The following FYCO1 variants were observed in gnomAD, a reference collection of about 807,000 sequenced individuals.
The protein encoded by FYCO1 is FYVE and coiled-coil domain-containing protein 1.
FYCO1 carries 122 observed loss-of-function variants against 165.1 expected under a neutral mutation model. The observed-to-expected ratio is 0.74, with a 90% confidence interval of 0.64 to 0.86. FYCO1 has a LOEUF of 0.86. FYCO1 is among the 40% of genes least tolerant of loss of function. The pLI, the probability that FYCO1 is intolerant of heterozygous loss-of-function variation, is 0.00. For missense variants in FYCO1, 1,702 were observed against 1,810.3 expected, an observed-to-expected ratio of 0.94 and a Z score of 1.09; for synonymous variants, 648 against 742.5, an observed-to-expected ratio of 0.87 and a Z score of 2.07.
chr3:45,975,135 G>A (rs1706676639), intron 5 of FYCO1, 104 bp downstream of exon 5: 1 of 838,312 alleles, frequency 1.2e-6, no homozygotes, highest in South Asian at 1.3e-5. Flanking sequence ...AGTGTCACGG[G>A]GGACACAAAT....
rs766910490 is a variant in FYCO1 at position 45,967,878 on chromosome 3, C to T, written c.1456G>A (p.Glu486Lys). ...TTCTCCCGCCTCAACTCTGCTAGCT[C>T]CTCCTCCCAGGAGCTCGTGTGGGCC... ...LLAHTSSWEE[E>K]LAELRREKKQ... is the part of the protein sequence containing the mutation. The change falls in exon 8 of 18, where the codon GAG (glutamate) becomes AAG (lysine). Residue 486 changes from glutamate to lysine, a missense_variant. By Grantham distance (56) the Glu-to-Lys change is moderately conservative (BLOSUM62 1). Coordinates refer to ENST00000296137, the MANE Select transcript of FYCO1 (RefSeq NM_024513.4). 5 of 1,614,008 alleles carry T rather than the reference C, an allele frequency of 3.1e-6. No homozygotes were observed. Among genetic ancestry groups the T allele is most frequent in the Non-Finnish European group, 4.2e-6 (5 of 1,180,022 alleles).
At position 45,966,289 on chromosome 3, in the gene FYCO1, C is replaced by T; in HGVS notation, c.3045G>A (p.Gln1015=). ...FQLSAEIMDY[Q]SRLKNAGEEC... The stretch of plus-strand genomic sequence containing the variant: ...AAGCTAGGATTACCTTAAGTCTGCT[C>T]TGGTAGTCCATGATTTCAGCACTCA... Residue 1015 remains glutamine, a synonymous_variant, in exon 8 of 18, where the codon CAG becomes CAA. Coordinates refer to ENST00000296137, the MANE Select transcript of FYCO1 (RefSeq NM_024513.4). The T allele has an allele frequency of 6.2e-7, 1 of 1,614,080 alleles. No individual in the cohort carries two copies. Among genetic ancestry groups the T allele is most frequent in the South Asian group, 1.1e-5 (1 of 91,064 alleles).
chr3:45,962,432 T>C lies in FYCO1; in HGVS notation c.3270-40A>G, dbSNP rs1253834514. On this transcript the variant is annotated intron_variant, in intron 10 of 17. Coordinates refer to ENST00000296137, the MANE Select transcript of FYCO1 (RefSeq NM_024513.4). This position sits in a 1 kb window ranked among gnomAD's most constrained non-coding sequence, Gnocchi z 4.4. ...GTAAGTTTTCTTGATTAGCCAGGAC[T>C]TCCAGCTTTCCCAGGGCTCTAAGCT... 4 of 1,590,324 alleles carry C rather than the reference T, an allele frequency of 2.5e-6. No homozygotes were observed. The highest frequency in any genetic ancestry group is 3.5e-6 in the Non-Finnish European group (4 of 1,158,704).
At position 45,975,227 on chromosome 3, in the gene FYCO1, T is replaced by C. The variant is rs1290589775; in HGVS notation, c.395+12A>G. ...GGGATGATCCCAAACCCCAGCCCTGTCCTGTATTTACCTGGTCACTTTGGT... is the reference window on the plus strand; with the variant it reads ...GGGATGATCCCAAACCCCAGCCCTGCCCTGTATTTACCTGGTCACTTTGGT... On this transcript the variant is annotated intron_variant, in intron 5 of 17. Transcript: ENST00000296137. 1 of 1,571,206 alleles carries C rather than the reference T, an allele frequency of 6.4e-7. No individual in the cohort carries two copies. Among genetic ancestry groups the C allele is most frequent in the East Asian group, 2.2e-5 (1 of 44,694 alleles).
At chr3:45,974,099 C>T (rs965827804) in intron 5 of FYCO1, among the ~76,000 whole-genome samples, 9 of 152,098 alleles carry the variant, frequency 5.9e-5, no homozygotes, top group African/African-American at 1.7e-4. Context: ...AAAAAGATGC[C>T]TGGGCATAGT....
intron 14 of FYCO1, among the ~76,000 whole-genome samples, chr3:45,942,151 C>G (rs1704267221): frequency 6.6e-6 from 1 of 152,218 alleles, no homozygotes; most frequent in African/African-American, 2.4e-5. Context: ...GTCTTCAGAT[C>G]TTTTATCAGG....
chr3:45,925,632 C>T (rs1321190341), intron 16 of FYCO1, among the ~76,000 whole-genome samples: 1 of 152,126 alleles, frequency 6.6e-6, no homozygotes, highest in African/African-American at 2.4e-5. Context: ...TACACAGTTC[C>T]CAAAGTGAAG....
chr3:45,948,876 C>T (rs976966568), intron 14 of FYCO1, among the ~76,000 whole-genome samples: 2 of 152,176 alleles, frequency 1.3e-5, no homozygotes, highest in African/African-American at 4.8e-5. Context: ...TTTGGTGAAA[C>T]ATGGATCATA....
At position 45,964,305 on chromosome 3, in the gene FYCO1, C is replaced by T; in HGVS notation, c.3269+31G>A. 1 of 1,515,296 alleles carries T rather than the reference C, an allele frequency of 6.6e-7. No individual in the cohort carries two copies. Among genetic ancestry groups the T allele is most frequent in the Non-Finnish European group, 9.2e-7 (1 of 1,089,782 alleles). The allele number at this position is 1,515,296 out of a possible 1,614,324, so 93.9% of individuals were successfully genotyped here. A position where few individuals can be genotyped will look rare whatever the true frequency, so the allele number is the denominator to read the frequency against. On this transcript the variant is annotated intron_variant, in intron 10 of 17. Coordinates refer to ENST00000296137, the MANE Select transcript of FYCO1 (RefSeq NM_024513.4). This position sits in a 1 kb window ranked among gnomAD's most constrained non-coding sequence, Gnocchi z 4.1. The stretch of plus-strand genomic sequence containing the variant: ...CCAAACACTCCTTCCCTGAAGACTA[C>T]CGACAGCTACGTAGGTGGACTGTGA...
chr3:45,966,787 C>A lies in FYCO1; in HGVS notation c.2547G>T (p.Ser849=). The A allele has an allele frequency of 6.2e-7, 1 of 1,609,878 alleles. No homozygotes were observed. Among genetic ancestry groups the A allele is most frequent in the Non-Finnish European group, 8.5e-7 (1 of 1,180,010 alleles). ...RAHVQELLQC[S]EREGALQEER... ...CCTCCTGCAGTGCCCCTTCACGCTC[C>A]GAGCATTGCAGCAGCTCCTGGACAT... The change falls in exon 8 of 18, where the codon TCG becomes TCT. Residue 849 remains serine, a synonymous_variant. Transcript: ENST00000296137.
Position 45,959,448 on chromosome 3 carries a change from G to A in FYCO1, c.3532C>T (p.His1178Tyr), listed in dbSNP as rs1245342156. Residue 1178 changes from histidine (H) to tyrosine (Y), a missense_variant, in exon 12 of 18, where the codon CAC (histidine) becomes TAC (tyrosine). Transcript: ENST00000296137. Reference protein sequence around the residue: ...ERWLGDTEANHCLDCKREFSW... With the variant: ...ERWLGDTEANYCLDCKREFSW... Reference sequence around the variant, plus strand: ...AACTCCCGCTTACAGTCGAGGCAGTGGTTTGCCTCTGTGTCTCCGAGCCAT... The same window carrying A: ...AACTCCCGCTTACAGTCGAGGCAGTAGTTTGCCTCTGTGTCTCCGAGCCAT... 1 of 1,613,940 alleles carries A rather than the reference G, an allele frequency of 6.2e-7. No individual in the cohort carries two copies. Among genetic ancestry groups the A allele is most frequent in the African/African-American group, 1.3e-5 (1 of 74,910 alleles).
intron 13 of FYCO1, among the ~76,000 whole-genome samples, chr3:45,956,400 A>G (rs1705329275): frequency 6.6e-6 from 1 of 152,160 alleles, no homozygotes; most frequent in South Asian, 2.1e-4. Context: ...AGGAAATGTC[A>G]AAAATCAAAA....
chr3:45,936,645 T>A (rs963578135), intron 14 of FYCO1, 102 bp from the exon 15 acceptor site: 3 of 810,918 alleles, frequency 3.7e-6, no homozygotes, highest in Non-Finnish European at 6.6e-6. Flanking sequence ...CAAATCCAGA[T>A]GCATGGGGGA....
Position 45,981,632 on chromosome 3 carries a change from G to T in FYCO1, c.100C>A (p.Pro34Thr), listed in dbSNP as rs1256223745. ...AAGCTGGTGCTGTCATCCGTGATGG[G>T]TTCCCCTGCTTCCTGAAATTCTTTG... ...LSKEFQEAGE[P>T]ITDDSTSLHK... is the part of the protein sequence containing the mutation. Residue 34 changes from proline to threonine, a missense_variant, in exon 3 of 18, where the codon CCC (proline) becomes ACC (threonine). Physicochemically the swap from Pro to Thr is conservative, Grantham distance 38 (BLOSUM62 -1). Transcript: ENST00000296137. The T allele has an allele frequency of 6.2e-7, 1 of 1,613,938 alleles. No homozygotes were observed. Among genetic ancestry groups the T allele is most frequent in the African/African-American group, 1.3e-5 (1 of 74,906 alleles).
At chr3:45,974,766 CACCTG>C (rs1270758365) in intron 5 of FYCO1, among the ~76,000 whole-genome samples, 6 of 151,968 alleles carry the variant, frequency 3.9e-5, no homozygotes, top group Admixed American at 6.6e-5. Flanking sequence ...GCTGACTGCA[CACCTG>C]ACCTGAGCTC....
chr3:45,946,799 G>A, intron 14 of FYCO1: 1 of 1,613,546 alleles, frequency 6.2e-7, no homozygotes, highest in Non-Finnish European at 8.5e-7. Context: ...AGAGCCTACT[G>A]GGCATCTACA....
At chr3:45,958,746 G>T in intron 12 of FYCO1, 127 bp from the exon 13 acceptor site, 1 of 868,502 alleles carries the variant, frequency 1.2e-6, no homozygotes, top group Non-Finnish European at 1.9e-6. Context: ...CCCAAGTTAG[G>T]ATGTGGCCAT....
rs578076183 is a variant in FYCO1, at chr3:45,983,932, G to A, written c.55+924C>T. 5.9e-5 allele frequency among the ~76,000 whole-genome samples: 9 copies of A among 152,340 alleles called. No homozygotes were observed. In the South Asian group the frequency reaches 1.7e-3, roughly 28 times the overall value. ...AATGTTTTTTATCTTGTTGACTTTG[G>A]AACTTCAGAATGAGAACTGCACTGT... On this transcript the variant is annotated intron_variant, in intron 2 of 17. Transcript: ENST00000296137.
chr3:45,969,716 G>T lies in FYCO1; in HGVS notation c.589C>A (p.Arg197Ser). ...SSAYLWKPPSRSSSMSSLVSS... is the reference protein window; with the variant it reads ...SSAYLWKPPSSSSSMSSLVSS... ...ACCAAGCTGCTCATGCTGGAGCTGC[G>T]GCTAGGGGGTTTCCACAGGTAAGCA... is the stretch of plus-strand genomic sequence containing the variant. Residue 197 changes from arginine (R) to serine (S), a missense_variant, in exon 7 of 18, where the codon CGC (arginine) becomes AGC (serine). Coordinates refer to ENST00000296137, the MANE Select transcript of FYCO1 (RefSeq NM_024513.4). The T allele has an allele frequency of 6.2e-7, 1 of 1,614,054 alleles. No individual in the cohort carries two copies. Among genetic ancestry groups the T allele is most frequent in the South Asian group, 1.1e-5 (1 of 91,078 alleles).
Sources: allele counts gnomAD v4.1 joint callset (sites outside exome capture counted in the v4.1 genomes callset), GRCh38; gene constraint gnomAD v4.1.1; non-coding constraint Gnocchi (gnomAD v3.1); transcripts MANE v1.5; gene names NCBI Gene and HGNC (gene_info 2026-07-23, HGNC 2026-07-21).